The following TMCO5A variants were observed in gnomAD, a reference collection of about 807,000 sequenced individuals.
TMCO5A encodes transmembrane and coiled-coil domains 5A, also known as transmembrane and coiled-coil domain-containing protein 5A.
Under a neutral mutation model 42.3 loss-of-function variants are expected in TMCO5A, and 34 were observed. That is an observed-to-expected ratio of 0.80 (90% CI 0.61 to 1.07). The LOEUF is 1.07. TMCO5A is among the 50% of genes least tolerant of loss of function. The pLI is 0.00. For missense variants in TMCO5A, 357 were observed against 327.9 expected (o/e 1.09, Z -0.69); for synonymous variants, 131 against 115.6 (o/e 1.13, Z -0.86).
chr15:38,007,164 A>T, the TMCO5A span, among the ~76,000 whole-genome samples: 1 of 152,232 alleles, frequency 6.6e-6, no homozygotes. Flanking sequence ...CATGAACCAT[A>T]GTTTACTGAC....
intron 11 of TMCO5A, among the ~76,000 whole-genome samples, chr15:37,959,485 C>T (rs1890368945): frequency 6.6e-6 from 1 of 151,888 alleles, no homozygotes; most frequent in African/African-American, 2.4e-5. Context: ...TTCAACAATA[C>T]ATTAAAAAGA....
the TMCO5A span, among the ~76,000 whole-genome samples, chr15:38,017,383 G>T: frequency 1.6e-4 from 25 of 152,030 alleles, no homozygotes; most frequent in African/African-American, 6.0e-4. Flanking sequence ...AGTGCGTGGG[G>T]TCTTAGAAAT....
chr15:38,031,180 C>T, the TMCO5A span, among the ~76,000 whole-genome samples: 1 of 152,164 alleles, frequency 6.6e-6, no homozygotes, highest in Non-Finnish European at 1.5e-5. Flanking sequence ...GCCTAATCTC[C>T]AGTCCTGTGG....
At chr15:37,973,497 G>T in the TMCO5A span, among the ~76,000 whole-genome samples, 9 of 151,960 alleles carry the variant, frequency 5.9e-5, no homozygotes, top group Non-Finnish European at 8.8e-5. Flanking sequence ...TCACCTCCTT[G>T]GTTAGCTGTA....
the TMCO5A span, among the ~76,000 whole-genome samples, chr15:37,979,891 C>A: frequency 1.6e-4 from 24 of 152,260 alleles, no homozygotes; most frequent in African/African-American, 5.3e-4. Flanking sequence ...GGGGCAGTGA[C>A]CCACATGGAA....
intron 11 of TMCO5A, among the ~76,000 whole-genome samples, chr15:37,959,989 A>G (rs374586806): frequency 6.6e-6 from 1 of 152,066 alleles, no homozygotes; most frequent in African/African-American, 2.4e-5. Context: ...GTTGCAGGAT[A>G]CAAAATCAAC....
At chr15:38,007,816 T>A in the TMCO5A span, among the ~76,000 whole-genome samples, 2 of 147,322 alleles carry the variant, frequency 1.4e-5, no homozygotes, top group Non-Finnish European at 3.0e-5. Flanking sequence ...CATTTATCTA[T>A]CAAGTCCAGT....
chr15:37,990,678 T>A, the TMCO5A span, among the ~76,000 whole-genome samples: 51 of 152,206 alleles, frequency 3.4e-4, no homozygotes, highest in East Asian at 7.3e-3. Context: ...TTTTTCTATA[T>A]ACCTTTTATC....
rs769739434 is a variant in TMCO5A, at chr15:37,942,223, A to G, written c.537A>G (p.Glu179=). The part of the protein sequence containing the change: ...KYQETLKKIE[E]ELEALFLERE... ...AGGAAACGTTGAAGAAAATAGAAGA[A>G]GAACTAGAGGCTCTGTTCCTTGAGA... Residue 179 remains glutamate (E), a synonymous_variant, in exon 9 of 12, where the codon GAA becomes GAG. Coordinates refer to ENST00000319669, the MANE Select transcript of TMCO5A (RefSeq NM_152453.4). 21 of 1,612,880 alleles carry G rather than the reference A, an allele frequency of 1.3e-5. No homozygotes were observed. Among genetic ancestry groups the G allele is most frequent in the Non-Finnish European group, 1.7e-5 (20 of 1,179,284 alleles).
At chr15:37,995,103 G>A in the TMCO5A span, among the ~76,000 whole-genome samples, 6 of 151,956 alleles carry the variant, frequency 3.9e-5, no homozygotes, top group Non-Finnish European at 7.4e-5. Flanking sequence ...CCACCTATTT[G>A]TGCCCTCCCT....
chr15:37,972,176 C>T (rs73388274), downstream of TMCO5A, among the ~76,000 whole-genome samples: 3,646 of 152,250 alleles, frequency 0.024, 148 homozygotes, highest in African/African-American at 0.083. Flanking sequence ...CAGCAGAAGG[C>T]CAAAGGCACA....
chr15:37,947,780 GGAGA>G, intron 11 of TMCO5A, 84 bp downstream of exon 11: 5 of 897,982 alleles, frequency 5.6e-6, no homozygotes, highest in East Asian at 2.4e-5. Flanking sequence ...GTCTAGACAA[GGAGA>G]GCCTTGTATA....
chr15:38,021,985 T>A, the TMCO5A span, among the ~76,000 whole-genome samples: 15 of 152,144 alleles, frequency 9.9e-5, no homozygotes, highest in African/African-American at 3.6e-4. Context: ...AATTTTTTTG[T>A]ATTTTTAGTA....
At position 37,935,264 on chromosome 15, in the gene TMCO5A, A is replaced by G. The variant is rs191726718; in HGVS notation, c.-95A>G. ...TCTCTGTTGGCATTTTAGGGAATCT[A>G]CAATGGAAGGACACAAGAAAGATCA... On this transcript the variant is annotated 5_prime_UTR_variant, in exon 2 of 12. Coordinates refer to ENST00000319669, the MANE Select transcript of TMCO5A (RefSeq NM_152453.4). 3.3e-5 allele frequency: 5 copies of G among 152,266 alleles called. No homozygotes were observed. The highest frequency in any genetic ancestry group is 7.2e-5 in the African/African-American group (3 of 41,586). 9.4% of individuals were successfully genotyped at this position (152,266 alleles called of 1,614,324 possible).
downstream of TMCO5A, among the ~76,000 whole-genome samples, chr15:37,952,460 A>G (rs376699193): frequency 4.3e-4 from 65 of 152,208 alleles, no homozygotes; most frequent in African/African-American, 1.4e-3. Context: ...ATTTCTAGAC[A>G]CACCCTGGGC....
chr15:37,938,136 T>C, intron 5 of TMCO5A, 22 bp from the exon 6 acceptor site: 2 of 1,549,642 alleles, frequency 1.3e-6, no homozygotes, highest in Non-Finnish European at 1.8e-6. Context: ...TAATTTAGTA[T>C]ATTTTTTATT....
the TMCO5A span, among the ~76,000 whole-genome samples, chr15:37,999,730 TC>T: frequency 6.6e-6 from 1 of 152,248 alleles, no homozygotes; most frequent in South Asian, 2.1e-4. Flanking sequence ...AGGGTTTTTT[TC>T]ATAAAGGGAT....
At chr15:37,976,375 T>G in the TMCO5A span, among the ~76,000 whole-genome samples, 1 of 152,178 alleles carries the variant, frequency 6.6e-6, no homozygotes, top group Admixed American at 6.5e-5. Flanking sequence ...ATCTGATTAT[T>G]GTGTGTCTTG....
chr15:37,987,949 G>A, the TMCO5A span, among the ~76,000 whole-genome samples: 1 of 151,802 alleles, frequency 6.6e-6, no homozygotes, highest in Non-Finnish European at 1.5e-5. Context: ...TACCACTTTG[G>A]GTAACATTGA....
Sources: gnomAD v4.1 joint callset for allele counts (sites outside exome capture counted in the v4.1 genomes callset) on GRCh38, gnomAD v4.1.1 for gene constraint, MANE v1.5 for transcripts, NCBI Gene and HGNC (gene_info 2026-07-23, HGNC 2026-07-21) for gene names.